The following TANC2 variants were observed in gnomAD, a reference collection of about 807,000 sequenced individuals.
TANC2 encodes the protein protein TANC2.
Under a neutral mutation model 210.5 loss-of-function variants are expected in TANC2, and 26 were observed. The ratio of observed to expected loss-of-function variants is 0.12; its 90% CI spans 0.09 to 0.17. The LOEUF is 0.17. TANC2 is among the 10% of genes least tolerant of loss of function. TANC2 has a pLI of 1.00. For synonymous variants in TANC2, 931 were observed against 967.1 expected (o/e 0.96, Z 0.69); for missense variants, 2,129 against 2,608.9 (o/e 0.82, Z 4.01).
intron 4 of TANC2, among the ~76,000 whole-genome samples, chr17:63,141,379 TAAAAAAAAAAAAAAAAAAAAA>T (rs71155970): frequency 2.8e-3 from 61 of 21,878 alleles, no homozygotes; most frequent in South Asian, 0.018. Flanking sequence ...CCGTTTCTAC[TAAAAAAAAAAAAAAAAAAAAA>T]AAAAAAAAAA....
At chr17:62,994,001 C>T (rs545054018) in intron 1 of TANC2, among the ~76,000 whole-genome samples, 2 of 152,064 alleles carry the variant, frequency 1.3e-5, no homozygotes, top group East Asian at 1.9e-4. Flanking sequence ...TTTATTAGCT[C>T]TAATAGTTTT....
chr17:63,360,761 C>T (rs1298302629), intron 14 of TANC2, among the ~76,000 whole-genome samples: 4 of 152,130 alleles, frequency 2.6e-5, no homozygotes, highest in Non-Finnish European at 4.4e-5. Context: ...ACCCATTAGC[C>T]ATGCCCCCCC....
intron 1 of TANC2, among the ~76,000 whole-genome samples, chr17:63,001,101 TTAAG>T (rs1240352416): frequency 6.6e-6 from 1 of 152,140 alleles, no homozygotes; most frequent in Non-Finnish European, 1.5e-5. Context: ...TTAGTAAATT[TTAAG>T]TAATAAGTTG....
At chr17:63,061,802 C>T (rs1320289819) in intron 2 of TANC2, among the ~76,000 whole-genome samples, 1 of 151,796 alleles carries the variant, frequency 6.6e-6, no homozygotes, top group Non-Finnish European at 1.5e-5. Flanking sequence ...CTTTTTAATC[C>T]CTTTCTTCTC....
chr17:63,249,342 T>C (rs1245485805), intron 8 of TANC2, among the ~76,000 whole-genome samples: 2 of 152,164 alleles, frequency 1.3e-5, no homozygotes, highest in Non-Finnish European at 2.9e-5. Context: ...TTTAAGCCTG[T>C]GTGTTGGAAG....
chr17:63,401,890 C>G (rs541669894), intron 19 of TANC2, among the ~76,000 whole-genome samples: 19 of 152,246 alleles, frequency 1.2e-4, no homozygotes, highest in African/African-American at 4.1e-4. Flanking sequence ...CCTTTAATTC[C>G]TGCCCTCATC....
intron 10 of TANC2, among the ~76,000 whole-genome samples, 160 bp downstream of exon 10, chr17:63,314,829 T>C (rs1295550590): frequency 6.6e-6 from 1 of 152,188 alleles, no homozygotes; most frequent in African/African-American, 2.4e-5. Context: ...TAATACTCTA[T>C]TTACATCTAA....
intron 2 of TANC2, among the ~76,000 whole-genome samples, chr17:63,016,428 T>C (rs1225491985): frequency 6.6e-6 from 1 of 152,226 alleles, no homozygotes; most frequent in Admixed American, 6.5e-5. Flanking sequence ...AATTTTTTTA[T>C]GGCTGAATAA....
intron 7 of TANC2, among the ~76,000 whole-genome samples, chr17:63,229,769 T>C (rs2042422351): frequency 7.4e-6 from 1 of 135,370 alleles, no homozygotes; most frequent in Non-Finnish European, 1.6e-5. Context: ...TGATTGTTTG[T>C]ATTTTTTTTT....
At chr17:63,001,618 C>T (rs922899965) in intron 1 of TANC2, among the ~76,000 whole-genome samples, 4 of 149,084 alleles carry the variant, frequency 2.7e-5, no homozygotes, top group Admixed American at 1.3e-4. Context: ...TCTGGCAGCT[C>T]GCTGCACCCT....
At chr17:62,973,481 G>A (rs553783899) in intron 1 of TANC2, among the ~76,000 whole-genome samples, 4 of 152,280 alleles carry the variant, frequency 2.6e-5, no homozygotes, top group African/African-American at 4.8e-5. Context: ...ATTGTTGACC[G>A]TTATCTCAGT....
intron 5 of TANC2, among the ~76,000 whole-genome samples, chr17:63,192,948 A>G (rs1483547096): frequency 2.6e-5 from 4 of 152,214 alleles, no homozygotes; most frequent in African/African-American, 4.8e-5. Flanking sequence ...TTATCAGAGT[A>G]ACTTTGTAGG....
chr17:63,397,629 A>G (rs1437854613), intron 18 of TANC2, among the ~76,000 whole-genome samples: 5 of 152,228 alleles, frequency 3.3e-5, no homozygotes, highest in African/African-American at 1.2e-4. Flanking sequence ...GGCCAATTTC[A>G]AGCTACCAGT....
intron 17 of TANC2, chr17:63,389,792 T>G: frequency 4.0e-6 from 2 of 496,718 alleles, no homozygotes; most frequent in Non-Finnish European, 7.3e-6. Context: ...CACAAAAAGT[T>G]TCTACATAAC....
chr17:63,195,963 A>G (rs2041333320), intron 6 of TANC2, among the ~76,000 whole-genome samples: 1 of 151,784 alleles, frequency 6.6e-6, no homozygotes, highest in Non-Finnish European at 1.5e-5. Flanking sequence ...AGCTATATTC[A>G]TTTTTACTGG....
intron 7 of TANC2, among the ~76,000 whole-genome samples, chr17:63,221,515 T>C (rs1360397392): frequency 6.6e-6 from 1 of 151,282 alleles, no homozygotes; most frequent in Non-Finnish European, 1.5e-5. Flanking sequence ...CAAACACTTA[T>C]CTCATAAAAG....
At chr17:63,411,647 C>A (rs749292042) in exon 22 of TANC2, 1 of 1,613,736 alleles carries the variant, frequency 6.2e-7, no homozygotes, top group Non-Finnish European at 8.5e-7. Context: ...ATGGCCGTAC[C>A]CCACTGGATC....
chr17:63,336,542 C>G (rs2046035040), intron 11 of TANC2, among the ~76,000 whole-genome samples: 1 of 152,168 alleles, frequency 6.6e-6, no homozygotes, highest in Non-Finnish European at 1.5e-5. Context: ...ATTTTATACA[C>G]AAGGCTGTAT....
intron 7 of TANC2, among the ~76,000 whole-genome samples, chr17:63,228,772 A>G (rs1172972604): frequency 6.6e-6 from 1 of 152,120 alleles, no homozygotes; most frequent in Admixed American, 6.5e-5. Flanking sequence ...ATTTTTGCAC[A>G]TTGATTTTAT....
Sources: gnomAD v4.1 joint callset for allele counts (sites outside exome capture counted in the v4.1 genomes callset) on GRCh38, gnomAD v4.1.1 for gene constraint, MANE v1.5 for transcripts, NCBI Gene and HGNC (gene_info 2026-07-23, HGNC 2026-07-21) for gene names.